The following P3H1 variants were observed in gnomAD, a reference collection of about 807,000 sequenced individuals.
P3H1 encodes the protein growth suppressor 1.
P3H1 carries 69 observed loss-of-function variants against 84.0 expected under a neutral mutation model. The ratio of observed to expected loss-of-function variants is 0.82; its 90% CI spans 0.68 to 1.00. The LOEUF (loss-of-function observed/expected upper bound fraction) is 1.00. Ranked by LOEUF, P3H1 falls within the 50% of genes least tolerant of loss-of-function variation. The pLI is 0.00. For synonymous variants in P3H1, 366 were observed against 388.8 expected (o/e 0.94, Z 0.69); for missense variants, 878 against 962.8 (o/e 0.91, Z 1.17).
chr1:42,747,310 C>A lies in P3H1; in HGVS notation c.2017G>T (p.Ala673Ser), dbSNP rs192750565. Reference sequence around the variant, plus strand: ...CGAGGGTCCAGGGTGAACCACAGGGCGATGGCACAGCGCTGCCCCCTGGTG... The same window carrying A: ...CGAGGGTCCAGGGTGAACCACAGGGAGATGGCACAGCGCTGCCCCCTGGTG... ...AVTRGQRCAI[A>S]LWFTLDPRHS... The change falls in exon 14 of 15, where the codon GCC becomes TCC. Residue 673 changes from alanine (A) to serine (S), a missense_variant. Coordinates refer to ENST00000296388, the MANE Select transcript of P3H1 (RefSeq NM_022356.4). The A allele has an allele frequency of 1.2e-5, 20 of 1,612,646 alleles. No homozygotes were observed. The highest frequency in any genetic ancestry group is 1.0e-4 in the Admixed American group (6 of 59,974).
intron 1 of P3H1, among the ~76,000 whole-genome samples, chr1:42,763,751 G>T (rs1161710108): frequency 6.7e-6 from 1 of 150,234 alleles, no homozygotes; most frequent in Non-Finnish European, 1.5e-5. Flanking sequence ...CCACAGCAAT[G>T]GACTCCAGCA....
At position 42,765,692 on chromosome 1, in the gene P3H1, G is replaced by C. The variant is rs143226150; in HGVS notation, c.465+815C>G. ...AAGTGTCTCTTTAGATCGAATCGAA[G>C]GTCTTTTAAACAACAGATATACCAG... On this transcript the variant is annotated intron_variant, in intron 1 of 14. Transcript: ENST00000296388. 2.0e-5 allele frequency among the ~76,000 whole-genome samples: 3 copies of C among 152,216 alleles called. No homozygotes were observed. In the East Asian group the frequency reaches 5.8e-4, roughly 29 times the overall value.
intron 11 of P3H1, among the ~76,000 whole-genome samples, chr1:42,749,143 C>T (rs925343713): frequency 6.6e-6 from 1 of 152,258 alleles, no homozygotes; most frequent in Non-Finnish European, 1.5e-5. Flanking sequence ...AAGTCAAGGC[C>T]TCACCACGTC....
intron 7 of P3H1, 27 bp from the exon 8 acceptor site, chr1:42,755,017 G>A (rs1652314031): frequency 6.2e-7 from 1 of 1,613,916 alleles, no homozygotes; most frequent in African/African-American, 1.3e-5. Flanking sequence ...TCTGAGGACT[G>A]CATTCCAGGG....
At chr1:42,762,961 C>T (rs1652798099) in intron 1 of P3H1, among the ~76,000 whole-genome samples, 1 of 151,924 alleles carries the variant, frequency 6.6e-6, no homozygotes, top group African/African-American at 2.4e-5. Flanking sequence ...TACTATATGC[C>T]TGTAGTCCCA....
In P3H1 at chr1:42,762,121, T is replaced by TA. The variant is rs199896913; in HGVS notation, c.618+201dup. ...AGAAAACAACCTTAGTAATGTCATT[T>TA]AAAAAAAAACAAAAGAATGCATGCC... On this transcript the variant is annotated intron_variant, in intron 2 of 14. Transcript: ENST00000296388. 1,263 of 540,392 alleles carry TA rather than the reference T, an allele frequency of 2.3e-3. 5 individuals carry two copies. Among genetic ancestry groups the TA allele is most frequent in the East Asian group, 0.015 (478 of 31,184 alleles). 33.5% of individuals were successfully genotyped at this position (540,392 alleles called of 1,614,324 possible).
chr1:42,766,421 C>A, intron 1 of P3H1, 86 bp downstream of exon 1: 2 of 1,250,328 alleles, frequency 1.6e-6, no homozygotes, highest in Admixed American at 4.0e-5. Context: ...GCGGACACTT[C>A]CCCGATCCCC....
chr1:42,759,981 CT>C (rs36110403), intron 2 of P3H1: 7,734 of 102,766 alleles, frequency 0.075, 130 homozygotes, highest in South Asian at 0.083. Flanking sequence ...GATTCTTGCA[CT>C]TTTTTTTTTT....
At chr1:42,750,430 C>T (rs1570459244) in intron 10 of P3H1, 94 bp from the exon 11 acceptor site, 1 of 1,438,682 alleles carries the variant, frequency 7.0e-7, no homozygotes, top group East Asian at 2.4e-5. Context: ...TCCCATAATT[C>T]CCATGTGTTG....
Position 42,755,192 on chromosome 1 carries a change from A to T in P3H1, c.1196T>A (p.Ile399Asn). 1 of 1,614,186 alleles carries T rather than the reference A, an allele frequency of 6.2e-7. No homozygotes were observed. Among genetic ancestry groups the T allele is most frequent in the Non-Finnish European group, 8.5e-7 (1 of 1,180,002 alleles). ...CTGTTTCTCTTGCAATCTCTTGGGA[A>T]TCACTTCTTCTGGAGTCCATGAATC... ...DPDSWTPEEVIPKRLQEKQKS... is the reference protein window; with the variant it reads ...DPDSWTPEEVNPKRLQEKQKS... Residue 399 changes from isoleucine (I) to asparagine (N), a missense_variant, in exon 7 of 15, where the codon ATT (isoleucine) becomes AAT (asparagine). Physicochemically the swap from Ile to Asn is moderately radical, Grantham distance 149. Transcript: ENST00000296388.
intron 14 of P3H1, 188 bp from the exon 15 acceptor site, chr1:42,747,040 C>T (rs779146971): frequency 6.2e-7 from 1 of 1,614,190 alleles, no homozygotes; most frequent in Admixed American, 1.7e-5. Context: ...AAGAACTCAG[C>T]ATCGCTCCCT....
intron 1 of P3H1, among the ~76,000 whole-genome samples, chr1:42,763,020 G>A (rs1652801315): frequency 6.6e-6 from 1 of 151,974 alleles, no homozygotes; most frequent in African/African-American, 2.4e-5. Context: ...GGGAAGCAGA[G>A]GTTGCAGTGA....
chr1:42,747,790 A>C lies in P3H1; in HGVS notation c.1847T>G (p.Leu616Arg), dbSNP rs767135269. 1 of 1,614,186 alleles carries C rather than the reference A, an allele frequency of 6.2e-7. No homozygotes were observed. ...AYTFRDYSAI[L>R]YLNGDFDGGN... ...GCCATCGAAGTCCCCATTTAGGTAAAGGATGGCGCTGGGAAAGGCAGAGAC... is the reference window on the plus strand; with the variant it reads ...GCCATCGAAGTCCCCATTTAGGTAACGGATGGCGCTGGGAAAGGCAGAGAC... Residue 616 changes from leucine (L) to arginine (R), a missense_variant, in exon 13 of 15, where the codon CTT becomes CGT. By Grantham distance (102) the Leu-to-Arg change is moderately radical. Coordinates refer to ENST00000296388, the MANE Select transcript of P3H1 (RefSeq NM_022356.4).
intron 2 of P3H1, among the ~76,000 whole-genome samples, chr1:42,759,653 G>A (rs548665451): frequency 5.1e-4 from 77 of 152,236 alleles, no homozygotes; most frequent in African/African-American, 1.7e-3. Flanking sequence ...GACTGCAGTG[G>A]CACAATCTCA....
chr1:42,752,304 G>T lies in P3H1; in HGVS notation c.1539C>A (p.Phe513Leu). The T allele has an allele frequency of 6.2e-7, 1 of 1,614,066 alleles. No homozygotes were observed. The highest frequency in any genetic ancestry group is 8.5e-7 in the Non-Finnish European group (1 of 1,180,008). ...GGGCTTTGAAGACAGTGACACCATA[G>T]AACTTTTCATTGGGAGTATGTGGGG... The part of the protein sequence containing the change: ...QTSPHTPNEK[F>L]YGVTVFKALK... The change falls in exon 10 of 15, where the codon TTC becomes TTA. Residue 513 changes from phenylalanine to leucine, a missense_variant. By Grantham distance (22) the Phe-to-Leu change is conservative (BLOSUM62 0). Coordinates refer to ENST00000296388, the MANE Select transcript of P3H1 (RefSeq NM_022356.4).
In P3H1 at chr1:42,754,930, G is replaced by A. The variant is rs61746642; in HGVS notation, c.1284C>T (p.Ile428=). 2.9e-3 allele frequency: 4,690 copies of A among 1,614,110 alleles called. 115 individuals carry two copies. The African/African-American group carries it at 0.052, about 18-fold the overall frequency. The change falls in exon 8 of 15, where the codon ATC becomes ATT. Residue 428 remains isoleucine, a synonymous_variant. Transcript: ENST00000296388. The surrounding 1 kb of genome is among the most constrained non-coding windows in gnomAD (Gnocchi z 4.0). ...TGGTCTTCTCTTCCACAAGGGTCTC[G>A]ATTTCCTTCATAAGGTTCCCAATCT... The part of the protein sequence containing the change: ...SQEIGNLMKE[I]ETLVEEKTKE...
rs1048724369 is a variant in P3H1, at chr1:42,754,807, G to C, written c.1345+62C>G. On this transcript the variant is annotated intron_variant, in intron 8 of 14. Coordinates refer to ENST00000296388, the MANE Select transcript of P3H1 (RefSeq NM_022356.4). This position sits in a 1 kb window ranked among gnomAD's most constrained non-coding sequence, Gnocchi z 4.0. ...TGGGGTGGAGCGCTGCCTGGCAAAT[G>C]TGGGGTGACCTGCCTGGCTCCCTGA... 9.9e-6 allele frequency: 16 copies of C among 1,611,554 alleles called. No homozygotes were observed. The highest frequency in any genetic ancestry group is 5.0e-5 in the Admixed American group (3 of 59,960).
chr1:42,748,085 A>C, intron 12 of P3H1, 115 bp downstream of exon 12: 1 of 785,756 alleles, frequency 1.3e-6, no homozygotes, highest in Non-Finnish European at 2.2e-6. Flanking sequence ...GGACTCTGGG[A>C]ACAGCTAGCC....
Position 42,750,406 on chromosome 1 carries a change from T to C in P3H1, c.1570-70A>G. The C allele has an allele frequency of 3.2e-6, 5 of 1,556,092 alleles. No individual in the cohort carries two copies. In the South Asian group the frequency reaches 3.4e-5, roughly 11 times the overall value. ...GTTTGGCTCTGTGTCCCTACCCAAA[T>C]CTTATCTTGTAGTTCCCATAATTCC... On this transcript the variant is annotated intron_variant, in intron 10 of 14. Coordinates refer to ENST00000296388, the MANE Select transcript of P3H1 (RefSeq NM_022356.4).
Sources: gnomAD v4.1 joint callset for allele counts (sites outside exome capture counted in the v4.1 genomes callset) on GRCh38, gnomAD v4.1.1 for gene constraint, Gnocchi (gnomAD v3.1) non-coding constraint, MANE v1.5 for transcripts, NCBI Gene and HGNC (gene_info 2026-07-23, HGNC 2026-07-21) for gene names.